The following DGKI variants were observed in gnomAD, a reference collection of about 807,000 sequenced individuals.
DGKI encodes diacylglycerol kinase iota, also known as DAG kinase iota.
Under a neutral mutation model 147.5 loss-of-function variants are expected in DGKI, and 55 were observed. The observed-to-expected ratio is 0.37, with a 90% CI of 0.30 to 0.47. The LOEUF is 0.47. Ranked by LOEUF, DGKI falls within the 20% of genes least tolerant of loss-of-function variation. The probability of loss-of-function intolerance (pLI) is 1.00; values close to 1 mark genes in which losing one functional copy is unlikely to be tolerated. For synonymous variants in DGKI, 469 were observed against 477.1 expected (o/e 0.98, Z 0.22); for missense variants, 1,007 against 1,323.8 (o/e 0.76, Z 3.71).
intron 21 of DGKI, among the ~76,000 whole-genome samples, chr7:137,517,335 G>A (rs1563064066): frequency 9.0e-6 from 1 of 111,160 alleles, no homozygotes; most frequent in East Asian, 3.0e-4. Flanking sequence ...AAGAAAGAAA[G>A]AAAGAGAAAG....
At chr7:137,420,054 G>T (rs952674552) in intron 28 of DGKI, among the ~76,000 whole-genome samples, 5 of 152,228 alleles carry the variant, frequency 3.3e-5, no homozygotes, top group African/African-American at 4.8e-5. Context: ...ACTAAGAGCT[G>T]AAAGATCCAG....
chr7:137,808,433 G>A (rs998566723), intron 1 of DGKI, among the ~76,000 whole-genome samples: 5 of 152,168 alleles, frequency 3.3e-5, no homozygotes, highest in African/African-American at 1.2e-4. Flanking sequence ...CCCCAAGAGG[G>A]AAGACTCCAA....
In DGKI at chr7:137,846,185, A is replaced by T. The variant is rs1798722183; in HGVS notation, c.401+277T>A. Among the ~76,000 whole-genome samples, 1 of 149,398 alleles carries T rather than the reference A, an allele frequency of 6.7e-6. No homozygotes were observed. Among genetic ancestry groups the T allele is most frequent in the Non-Finnish European group, 1.5e-5 (1 of 67,752 alleles). ...CTCACACACACACACACACACACAC[A>T]CACACACACACACACACAGACAAAA... On this transcript the variant is annotated intron_variant, in intron 1 of 32. Coordinates refer to ENST00000614521, the MANE Select transcript of DGKI (RefSeq NM_001321708.2). The surrounding 1 kb of genome is among the most constrained non-coding windows in gnomAD (Gnocchi z 4.0).
At chr7:137,537,778 A>G (rs1817567844) in intron 20 of DGKI, among the ~76,000 whole-genome samples, 1 of 152,150 alleles carries the variant, frequency 6.6e-6, no homozygotes, top group African/African-American at 2.4e-5. Flanking sequence ...ATTGAGGCAA[A>G]CCATATCTGA....
intron 1 of DGKI, among the ~76,000 whole-genome samples, chr7:137,712,621 G>A (rs1351260471): frequency 1.3e-5 from 2 of 152,172 alleles, no homozygotes; most frequent in Non-Finnish European, 2.9e-5. Flanking sequence ...TGAGATTCCA[G>A]TATCTTGTTT....
intron 28 of DGKI, among the ~76,000 whole-genome samples, chr7:137,425,508 G>C (rs1457492550): frequency 6.6e-6 from 1 of 152,202 alleles, no homozygotes; most frequent in Non-Finnish European, 1.5e-5. Flanking sequence ...TCCTCCAAAG[G>C]AATGCAGTTC....
chr7:137,596,192 T>G (rs1283614875), intron 12 of DGKI, among the ~76,000 whole-genome samples: 1 of 151,796 alleles, frequency 6.6e-6, no homozygotes, highest in Non-Finnish European at 1.5e-5. Context: ...TATGTGGATT[T>G]GAGTTAAGAA....
chr7:137,712,823 A>G (rs971976580), intron 1 of DGKI, among the ~76,000 whole-genome samples: 6 of 152,210 alleles, frequency 3.9e-5, no homozygotes, highest in African/African-American at 1.4e-4. Context: ...TGAGATGATG[A>G]TATGTTTCAT....
intron 28 of DGKI, among the ~76,000 whole-genome samples, chr7:137,412,509 C>A (rs1258506073): frequency 6.6e-6 from 1 of 152,074 alleles, no homozygotes; most frequent in Non-Finnish European, 1.5e-5. Flanking sequence ...AGCAGTAGGA[C>A]ACTGGGCAAA....
intron 20 of DGKI, among the ~76,000 whole-genome samples, chr7:137,526,644 T>C (rs1817156182): frequency 6.6e-6 from 1 of 151,906 alleles, no homozygotes; most frequent in Non-Finnish European, 1.5e-5. Flanking sequence ...GGAAGGGAGG[T>C]AGACTGACTT....
chr7:137,773,921 T>C (rs1585475015), intron 1 of DGKI, among the ~76,000 whole-genome samples: 2 of 152,326 alleles, frequency 1.3e-5, no homozygotes, highest in Middle Eastern at 3.4e-3. Flanking sequence ...GCTGCCTGAC[T>C]CTAAATCCAT....
intron 8 of DGKI, among the ~76,000 whole-genome samples, chr7:137,618,540 C>T (rs1820630715): frequency 6.6e-6 from 1 of 151,678 alleles, no homozygotes; most frequent in African/African-American, 2.4e-5. Flanking sequence ...TATTAGCCTT[C>T]CTGATACAAT....
intron 14 of DGKI, among the ~76,000 whole-genome samples, chr7:137,582,904 T>C (rs1368336208): frequency 1.3e-5 from 2 of 152,150 alleles, no homozygotes; most frequent in East Asian, 3.8e-4. Context: ...CGAGAAATGT[T>C]TCCAGCTAAT....
chr7:137,486,723 G>A (rs1815574324), intron 22 of DGKI, among the ~76,000 whole-genome samples: 1 of 152,070 alleles, frequency 6.6e-6, no homozygotes. Flanking sequence ...AATATTCAGG[G>A]TGAAGTGGTT....
intron 27 of DGKI, among the ~76,000 whole-genome samples, chr7:137,458,887 T>A (rs555522653): frequency 7.9e-5 from 12 of 152,152 alleles, no homozygotes; most frequent in Admixed American, 1.3e-4. Flanking sequence ...TGAAAAAAAA[T>A]TTTTTTAACT....
intron 18 of DGKI, among the ~76,000 whole-genome samples, chr7:137,571,557 T>C (rs1377207208): frequency 6.6e-6 from 1 of 152,252 alleles, no homozygotes; most frequent in Non-Finnish European, 1.5e-5. Flanking sequence ...ATGATTCATG[T>C]ATGTCTGTTT....
chr7:137,725,067 G>C (rs955592122), intron 1 of DGKI, among the ~76,000 whole-genome samples: 5 of 152,130 alleles, frequency 3.3e-5, no homozygotes, highest in Non-Finnish European at 5.9e-5. Flanking sequence ...ATGAGGTGGG[G>C]AGGGCGAGAA....
At position 137,463,536 on chromosome 7, in the gene DGKI, A is replaced by G; in HGVS notation, c.2688T>C (p.Tyr896=). 6.2e-7 allele frequency: 1 copy of G among 1,614,204 alleles called. No homozygotes were observed. The highest frequency in any genetic ancestry group is 1.3e-5 in the African/African-American group (1 of 75,062). ...SDSGLGMIAP[Y]YEDSDLKDLS... is the part of the protein sequence containing the mutation. ...GATCTTTCAGATCTGAGTCCTCATAATAGGGAGCTATCATCCCCAGCCCAC... is the reference window on the plus strand; with the variant it reads ...GATCTTTCAGATCTGAGTCCTCATAGTAGGGAGCTATCATCCCCAGCCCAC... The change falls in exon 27 of 33, where the codon TAT becomes TAC. Residue 896 remains tyrosine, a synonymous_variant. Transcript: ENST00000614521.
chr7:137,776,371 TA>T (rs1055912367), intron 1 of DGKI, among the ~76,000 whole-genome samples: 6 of 152,234 alleles, frequency 3.9e-5, no homozygotes, highest in African/African-American at 1.4e-4. Context: ...ATTTAACCTC[TA>T]ACATAGATCA....
Sources: allele counts gnomAD v4.1 joint callset (sites outside exome capture counted in the v4.1 genomes callset), GRCh38; gene constraint gnomAD v4.1.1; non-coding constraint Gnocchi (gnomAD v3.1); transcripts MANE v1.5; gene names NCBI Gene and HGNC (gene_info 2026-07-23, HGNC 2026-07-21).